Variants in GBP4 observed in about 807,000 individuals in gnomAD.
GBP4 encodes guanylate-binding protein 4.
Under a neutral mutation model 62.2 loss-of-function variants are expected in GBP4, and 69 were observed. The observed-to-expected ratio is 1.11, with a 90% confidence interval of 0.91 to 1.36. The LOEUF is 1.36. Among genes scored for constraint, GBP4 ranks in the 40% most tolerant of loss-of-function variants. The pLI is 0.00. For missense variants in GBP4, 697 were observed against 759.3 expected, an observed-to-expected ratio of 0.92 and a Z score of 0.96; for synonymous variants, 278 against 274.6, an observed-to-expected ratio of 1.01 and a Z score of -0.12.
intron 9 of GBP4, 140 bp from the exon 10 acceptor site, chr1:89,186,666 T>C (rs1170832259): frequency 2.5e-6 from 2 of 796,490 alleles, no homozygotes; most frequent in African/African-American, 1.7e-5. Flanking sequence ...ACTAGCCATG[T>C]CTGGAAGAGA....
chr1:89,197,472 C>G (rs1387890433), intron 1 of GBP4, among the ~76,000 whole-genome samples, 168 bp from the exon 2 acceptor site: 1 of 141,886 alleles, frequency 7.0e-6, no homozygotes, highest in Non-Finnish European at 1.5e-5. Flanking sequence ...TATAAAATTT[C>G]TATGTATATA....
intron 2 of GBP4, 77 bp downstream of exon 2, chr1:89,197,031 GAT>G (rs201580532): frequency 0.024 from 29,047 of 1,197,392 alleles, 457 homozygotes; most frequent in Middle Eastern, 0.056. Context: ...CCTTCTTTAG[GAT>G]GACCCTAGAG....
chr1:89,198,563 G>A (rs1402014813), intron 1 of GBP4, among the ~76,000 whole-genome samples: 1 of 151,976 alleles, frequency 6.6e-6, no homozygotes, highest in African/African-American at 2.4e-5. Flanking sequence ...TGGAGACACC[G>A]GTGCGCCTCT....
At chr1:89,196,378 A>T (rs955437250) in intron 2 of GBP4, among the ~76,000 whole-genome samples, 1 of 152,222 alleles carries the variant, frequency 6.6e-6, no homozygotes, top group African/African-American at 2.4e-5. Context: ...TATGTTTTAG[A>T]ATGCATATAT....
intron 8 of GBP4, 149 bp from the exon 9 acceptor site, chr1:89,187,251 C>T: frequency 1.5e-6 from 1 of 648,622 alleles, no homozygotes; most frequent in Non-Finnish European, 2.7e-6. Flanking sequence ...TCCACAGCCA[C>T]AAGAAGTCCA....
intron 8 of GBP4, among the ~76,000 whole-genome samples, chr1:89,188,307 C>T (rs1648092422): frequency 6.6e-6 from 1 of 152,166 alleles, no homozygotes; most frequent in African/African-American, 2.4e-5. Context: ...AAGGTATCCT[C>T]TGCACTTAGC....
Position 89,186,414 on chromosome 1 carries a change from C to T in GBP4, c.1626G>A (p.Met542Ile), listed in dbSNP as rs1142886. The T allele has an allele frequency of 0.42, 511,607 of 1,208,666 alleles. 139,093 individuals are homozygous for T. Among genetic ancestry groups the T allele is most frequent in the South Asian group, 0.47 (36,071 of 76,782 alleles). The allele number at this position is 1,208,666 out of a possible 1,614,324, so 74.9% of individuals were successfully genotyped here. A position where few individuals can be genotyped will look rare whatever the true frequency, so the allele number is the denominator to read the frequency against. ...EAQERSFQEY[M>I]AQMEKKLEEE... ...CCTCCAACTTCTTCTCCATTTGGGC[C>T]ATGTATTCCTGGAAGCTTCTCTCTT... Residue 542 changes from methionine to isoleucine, a missense_variant, in exon 10 of 11, where the codon ATG (methionine) becomes ATA (isoleucine). Transcript: ENST00000355754.
Position 89,193,374 on chromosome 1 carries a change from A to G in GBP4, c.402T>C (p.Ala134=). ...PKNDSWIFAL[A]VLLSSSFVYN... ...AGACAAAGCTGCTGCTTAGAAGCAC[A>G]GCCAGGGCAAAGATCCACGAGTCAT... The change falls in exon 4 of 11, where the codon GCT becomes GCC. Residue 134 remains alanine, a synonymous_variant. Coordinates refer to ENST00000355754, the MANE Select transcript of GBP4 (RefSeq NM_052941.5). The G allele has an allele frequency of 6.2e-7, 1 of 1,614,208 alleles. No homozygotes were observed. Among genetic ancestry groups the G allele is most frequent in the Non-Finnish European group, 8.5e-7 (1 of 1,180,014 alleles).
At chr1:89,188,515 T>C in intron 8 of GBP4, 67 bp downstream of exon 8, 4 of 1,304,386 alleles carry the variant, frequency 3.1e-6, no homozygotes, top group Non-Finnish European at 4.4e-6. Context: ...TCTTAGATTT[T>C]CAGAAGGGGC....
In GBP4 at chr1:89,183,352, A is replaced by G. The variant is rs983914014; in HGVS notation, c.*1902T>C. The G allele has an allele frequency of 1.3e-5, 2 of 152,224 alleles. No individual in the cohort carries two copies. Among genetic ancestry groups the G allele is most frequent in the African/African-American group, 4.8e-5 (2 of 41,446 alleles). 9.4% of individuals were successfully genotyped at this position (152,224 alleles called of 1,614,324 possible). ...CTGGGATTACTGGCTAGCCATATGC[A>G]GAAGATTGAAACTGGGCCCCCAGCT... is the stretch of plus-strand genomic sequence containing the variant. On this transcript the variant is annotated 3_prime_UTR_variant, in exon 11 of 11. Coordinates refer to ENST00000355754, the MANE Select transcript of GBP4 (RefSeq NM_052941.5).
At chr1:89,194,525 C>A (rs1648272454) in intron 3 of GBP4, among the ~76,000 whole-genome samples, 1 of 152,130 alleles carries the variant, frequency 6.6e-6, no homozygotes, top group Non-Finnish European at 1.5e-5. Flanking sequence ...GTGCTTCCTT[C>A]CCTCAACTCC....
In GBP4 at chr1:89,195,150, T is replaced by A. The variant is rs1324332; in HGVS notation, c.363+147A>T. 0.021 allele frequency: 16,024 copies of A among 774,726 alleles called. 1,797 individuals are homozygous for A. In the African/African-American group the frequency reaches 0.24, roughly 12 times the overall value. 48.0% of individuals were successfully genotyped at this position (774,726 alleles called of 1,614,324 possible). A position where few individuals can be genotyped will look rare whatever the true frequency, so the allele number is the denominator to read the frequency against. On this transcript the variant is annotated intron_variant, in intron 3 of 10. Transcript: ENST00000355754. ...CTTAAATATGCCTCAATACTTGAAA[T>A]TAATAAGGAAGTCTGAGGAAACAGA...
At chr1:89,190,627 G>A (rs1460401238) in intron 6 of GBP4, among the ~76,000 whole-genome samples, 1 of 151,904 alleles carries the variant, frequency 6.6e-6, no homozygotes, top group African/African-American at 2.4e-5. Context: ...CCATATAAAT[G>A]AGTTTGTTAG....
In GBP4 at chr1:89,191,917, G is replaced by T. The variant is rs546919271; in HGVS notation, c.671-411C>A. Among the ~76,000 whole-genome samples, 4 of 152,206 alleles carry T rather than the reference G, an allele frequency of 2.6e-5. No homozygotes were observed. In the South Asian group the frequency reaches 8.3e-4, roughly 32 times the overall value. ...TAAATTAAAGCAACGCTAGAAATAA[G>T]AAAAATATGTTTCTTAGAAAAATAT... On this transcript the variant is annotated intron_variant, in intron 5 of 10. Coordinates refer to ENST00000355754, the MANE Select transcript of GBP4 (RefSeq NM_052941.5).
chr1:89,183,760 G>C lies in GBP4; in HGVS notation c.*1494C>G, dbSNP rs1647954357. On this transcript the variant is annotated 3_prime_UTR_variant, in exon 11 of 11. Coordinates refer to ENST00000355754, the MANE Select transcript of GBP4 (RefSeq NM_052941.5). The stretch of plus-strand genomic sequence containing the variant: ...CTGGTCTTGGGTGTAAGCACCTGTA[G>C]TCCCAGCTATGTGGGGGGTTGAGGT... 2 of 152,338 alleles carry C rather than the reference G, an allele frequency of 1.3e-5. No individual in the cohort carries two copies. Among genetic ancestry groups the C allele is most frequent in the Admixed American group, 1.3e-4 (2 of 15,302 alleles). 9.4% of individuals were successfully genotyped at this position (152,338 alleles called of 1,614,324 possible).
chr1:89,191,441 G>A lies in GBP4; in HGVS notation c.736C>T (p.Arg246Trp), dbSNP rs141089744. Residue 246 changes from arginine (R) to tryptophan (W), a missense_variant, in exon 6 of 11, where the codon CGG (arginine) becomes TGG (tryptophan). Coordinates refer to ENST00000355754, the MANE Select transcript of GBP4 (RefSeq NM_052941.5). Reference protein sequence around the residue: ...RECIRHFFRKRKCFVFDRPTN... With the variant: ...RECIRHFFRKWKCFVFDRPTN... The stretch of plus-strand genomic sequence containing the variant: ...GGCCGGTCAAAGACAAAGCACTTCC[G>A]TTTTCGGAAGAAATGCCTGATACAC... 5.6e-5 allele frequency: 91 copies of A among 1,614,148 alleles called. No homozygotes were observed. In the African/African-American group the frequency reaches 7.5e-4, roughly 13 times the overall value.
rs972790444 is a variant in GBP4, at chr1:89,188,690, T to G, written c.1302A>C (p.Glu434Asp). 1.2e-5 allele frequency: 20 copies of G among 1,614,236 alleles called. No homozygotes were observed. The highest frequency in any genetic ancestry group is 1.7e-5 in the Non-Finnish European group (20 of 1,180,042). ...CAGAGAAAATTCCTCTCAAAATGCT[T>G]TCTGTCAGGTGCTCTGAAAGCCGCT... ...ELKRLSEHLT[E>D]SILRGIFSVP... The change falls in exon 8 of 11, where the codon GAA becomes GAC. Residue 434 changes from glutamate to aspartate, a missense_variant. Glu to Asp is a conservative substitution (Grantham distance 45). Coordinates refer to ENST00000355754, the MANE Select transcript of GBP4 (RefSeq NM_052941.5).
chr1:89,195,005 C>T (rs1193486052), intron 3 of GBP4, among the ~76,000 whole-genome samples: 3 of 152,160 alleles, frequency 2.0e-5, no homozygotes, highest in Admixed American at 6.5e-5. Context: ...GGCTCTTGGC[C>T]TTTACCTTGT....
Position 89,197,297 on chromosome 1 carries a change from T to G in GBP4, c.48A>C (p.Pro16=). 2 of 1,613,632 alleles carry G rather than the reference T, an allele frequency of 1.2e-6. No homozygotes were observed. The highest frequency in any genetic ancestry group is 1.7e-6 in the Non-Finnish European group (2 of 1,179,672). ...LHAAVPTPGY[P]ESESIMMAPI... is the part of the protein sequence containing the mutation. ...GGGCCATCATGATGGATTCAGATTC[T>G]GGATAACCTGTAACCCAGAAAAAAA... Residue 16 remains proline (P), a synonymous_variant, in exon 2 of 11, where the codon CCA becomes CCC. Coordinates refer to ENST00000355754, the MANE Select transcript of GBP4 (RefSeq NM_052941.5).
Sources: gnomAD v4.1 joint callset for allele counts (sites outside exome capture counted in the v4.1 genomes callset) on GRCh38, gnomAD v4.1.1 for gene constraint, MANE v1.5 for transcripts, NCBI Gene and HGNC (gene_info 2026-07-23, HGNC 2026-07-21) for gene names.